The following CDC25B variants were observed in gnomAD, a reference collection of about 807,000 sequenced individuals.
The protein encoded by CDC25B is cell division cycle 25B.
In CDC25B, 33 loss-of-function variants were observed where a neutral mutation model predicts 69.8. The observed-to-expected ratio is 0.47, with a 90% CI of 0.36 to 0.63. The LOEUF is 0.63. CDC25B is among the 30% of genes least tolerant of loss of function. The pLI, the probability that CDC25B is intolerant of heterozygous loss-of-function variation, is 0.00. For synonymous variants in CDC25B, 341 were observed against 314.6 expected, an observed-to-expected ratio of 1.08 and a Z score of -0.89; for missense variants, 727 against 809.1, an observed-to-expected ratio of 0.90 and a Z score of 1.23.
upstream of CDC25B, chr20:3,795,915 GC>G: frequency 1.0e-6 from 1 of 986,694 alleles, no homozygotes; most frequent in Non-Finnish European, 1.2e-6. Flanking sequence ...AGACCGTACA[GC>G]CCAGCTGGGT....
rs931316570 is a variant in CDC25B, at chr20:3,803,326, G to C, written c.1357-78G>C. On this transcript the variant is annotated intron_variant, in intron 13 of 15. Transcript: ENST00000245960. The surrounding 1 kb of genome is among the most constrained non-coding windows in gnomAD (Gnocchi z 4.9). ...CTCTCATGGGGAGGGTTCCTACTAAGAGAAGGACAGCGACTGCACGGGGAG... is the reference window on the plus strand; with the variant it reads ...CTCTCATGGGGAGGGTTCCTACTAACAGAAGGACAGCGACTGCACGGGGAG... 1 of 1,599,584 alleles carries C rather than the reference G, an allele frequency of 6.3e-7. No individual in the cohort carries two copies. The highest frequency in any genetic ancestry group is 8.6e-7 in the Non-Finnish European group (1 of 1,168,806).
At chr20:3,788,979 T>C (rs1487516026) in intron 1 of CDC25B, among the ~76,000 whole-genome samples, 2 of 152,100 alleles carry the variant, frequency 1.3e-5, no homozygotes, top group Non-Finnish European at 2.9e-5. Context: ...GCCACGCCCA[T>C]CATATGCTGA....
rs1188236004 is a variant in CDC25B at position 3,805,001 on chromosome 20, G to A, written c.*40G>A. 1 of 1,595,502 alleles carries A rather than the reference G, an allele frequency of 6.3e-7. No homozygotes were observed. The highest frequency in any genetic ancestry group is 8.5e-7 in the Non-Finnish European group (1 of 1,174,098). On this transcript the variant is annotated 3_prime_UTR_variant, in exon 16 of 16. Coordinates refer to ENST00000245960, the MANE Select transcript of CDC25B (RefSeq NM_021873.4). Reference sequence around the variant, plus strand: ...TCCTGCTACCTCCCTTGCCTTTCGAGGCCTGAAGCCAGCTGCCCTATGGGC... The same window carrying A: ...TCCTGCTACCTCCCTTGCCTTTCGAAGCCTGAAGCCAGCTGCCCTATGGGC...
chr20:3,805,404 C>T lies in CDC25B; in HGVS notation c.*443C>T, dbSNP rs770908224. 1.5e-4 allele frequency: 36 copies of T among 235,958 alleles called. No individual in the cohort carries two copies. Among genetic ancestry groups the T allele is most frequent in the Middle Eastern group, 1.4e-3 (1 of 698 alleles). 14.6% of individuals were successfully genotyped at this position (235,958 alleles called of 1,614,324 possible). On this transcript the variant is annotated 3_prime_UTR_variant, in exon 16 of 16. Coordinates refer to ENST00000245960, the MANE Select transcript of CDC25B (RefSeq NM_021873.4). ...TCAGCTCTCTGCCCTGTGTACTTCC[C>T]GGGCCAGGGCTGCCCCTAATCTCTG... is the stretch of plus-strand genomic sequence containing the variant.
upstream of CDC25B, among the ~76,000 whole-genome samples, chr20:3,795,109 C>G (rs544122021): frequency 1.3e-5 from 2 of 152,220 alleles, no homozygotes; most frequent in South Asian, 2.1e-4. Flanking sequence ...TGCGTGTAAT[C>G]CCAGCACTTT....
chr20:3,797,313 G>A (rs1167204165), intron 1 of CDC25B, among the ~76,000 whole-genome samples: 4 of 152,204 alleles, frequency 2.6e-5, no homozygotes, highest in Admixed American at 2.6e-4. Context: ...GGCTCTCTGG[G>A]GCGGCTCTGC....
chr20:3,792,875 C>G (rs949495524), upstream of CDC25B, among the ~76,000 whole-genome samples: 2 of 152,160 alleles, frequency 1.3e-5, no homozygotes, highest in African/African-American at 4.8e-5. Flanking sequence ...AATTACTAGC[C>G]TCAGGCAATT....
chr20:3,793,588 ATT>A (rs1568499832), upstream of CDC25B, among the ~76,000 whole-genome samples: 2,746 of 125,064 alleles, frequency 0.022, 92 homozygotes, highest in African/African-American at 0.08. Flanking sequence ...ATTTTATTTT[ATT>A]TTATTTTTTT....
chr20:3,797,497 A>AT, intron 1 of CDC25B, 125 bp from the exon 2 acceptor site: 1 of 1,289,144 alleles, frequency 7.8e-7, no homozygotes, highest in Non-Finnish European at 1.1e-6. Flanking sequence ...CCTCAGGGCC[A>AT]TTGCTTTCCC....
chr20:3,787,263 T>A, intron 1 of CDC25B: 1 of 483,118 alleles, frequency 2.1e-6, no homozygotes, highest in Non-Finnish European at 3.7e-6. Context: ...CTCCTGCTGT[T>A]TTACCTGGCA....
chr20:3,795,218 G>A (rs2088995087), upstream of CDC25B, among the ~76,000 whole-genome samples: 1 of 152,040 alleles, frequency 6.6e-6, no homozygotes, highest in African/African-American at 2.4e-5. Flanking sequence ...AACATTAGCT[G>A]GGCGTGGTGG....
In CDC25B at chr20:3,804,677, C is replaced by T; in HGVS notation, c.1599C>T (p.His533=). The T allele has an allele frequency of 1.2e-6, 2 of 1,612,030 alleles. No individual in the cohort carries two copies. Among genetic ancestry groups the T allele is most frequent in the Non-Finnish European group, 1.7e-6 (2 of 1,178,182 alleles). Residue 533 remains histidine (H), a synonymous_variant, in exon 15 of 16, where the codon CAC becomes CAT. Coordinates refer to ENST00000245960, the MANE Select transcript of CDC25B (RefSeq NM_021873.4). Reference sequence around the variant, plus strand: ...GCTACAAGGAGTTCTTCCCTCAGCACCCGGTAGCGTGGGTGGGGAAGGCCA... The same window carrying T: ...GCTACAAGGAGTTCTTCCCTCAGCATCCGGTAGCGTGGGTGGGGAAGGCCA... ...KGGYKEFFPQ[H]PNFCEPQDYR... is the part of the protein sequence containing the mutation.
Position 3,796,640 on chromosome 20 carries a change from C to A in CDC25B, c.109C>A (p.His37Asn). The A allele has an allele frequency of 6.8e-7, 1 of 1,473,696 alleles. No individual in the cohort carries two copies. Among genetic ancestry groups the A allele is most frequent in the African/African-American group, 1.5e-5 (1 of 68,854 alleles). 91.3% of individuals were successfully genotyped at this position (1,473,696 alleles called of 1,614,324 possible). A position where few individuals can be genotyped will look rare whatever the true frequency, so the allele number is the denominator to read the frequency against. Residue 37 changes from histidine (H) to asparagine (N), a missense_variant, in exon 1 of 16, where the codon CAT becomes AAT. Physicochemically the swap from His to Asn is moderately conservative, Grantham distance 68. Coordinates refer to ENST00000245960, the MANE Select transcript of CDC25B (RefSeq NM_021873.4). ...GHLPGLLLGS[H>N]GLLGSPVRAA... ...CCTCCCGGGCCTCCTGCTGGGATCTCATGGCCTCCTGGGGTCCCCGGTGCG... is the reference window on the plus strand; with the variant it reads ...CCTCCCGGGCCTCCTGCTGGGATCTAATGGCCTCCTGGGGTCCCCGGTGCG...
intron 1 of CDC25B, among the ~76,000 whole-genome samples, chr20:3,790,666 G>A (rs1036713254): frequency 6.6e-6 from 1 of 152,024 alleles, no homozygotes; most frequent in Non-Finnish European, 1.5e-5. Context: ...TGCCTCGTAG[G>A]TTCAGTCATT....
At chr20:3,796,983 T>G (rs1196944695) in intron 1 of CDC25B, among the ~76,000 whole-genome samples, 1 of 152,090 alleles carries the variant, frequency 6.6e-6, no homozygotes, top group East Asian at 1.9e-4. Flanking sequence ...TTCTTTCCCC[T>G]CACTCCCTCC....
At position 3,796,505 on chromosome 20, in the gene CDC25B, A is replaced by G. The variant is rs2089056246; in HGVS notation, c.-27A>G. On this transcript the variant is annotated 5_prime_UTR_variant, in exon 1 of 16. Transcript: ENST00000245960. The stretch of plus-strand genomic sequence containing the variant: ...TTGGCTGCCCTGCGCCCGGCCCTCC[A>G]GCCAGCCTTCTGCCGGCCCCGCCGC... 2 of 1,445,482 alleles carry G rather than the reference A, an allele frequency of 1.4e-6. No individual in the cohort carries two copies. Among genetic ancestry groups the G allele is most frequent in the African/African-American group, 1.6e-5 (1 of 64,092 alleles). The allele number at this position is 1,445,482 out of a possible 1,614,324, so 89.5% of individuals were successfully genotyped here.
intron 2 of CDC25B, among the ~76,000 whole-genome samples, chr20:3,798,005 C>T (rs2089127469): frequency 6.6e-6 from 1 of 152,218 alleles, no homozygotes; most frequent in Admixed American, 6.5e-5. Context: ...CTATGTAAAA[C>T]CACGCTCCAG....
chr20:3,800,166 C>T (rs1600396025), intron 3 of CDC25B, 122 bp from the exon 4 acceptor site: 1 of 797,016 alleles, frequency 1.3e-6, no homozygotes, highest in Non-Finnish European at 2.0e-6. Context: ...CCACCCCTTC[C>T]ACTGCCTTGA....
intron 2 of CDC25B, 143 bp from the exon 3 acceptor site, chr20:3,798,269 G>C: frequency 2.0e-6 from 1 of 498,448 alleles, no homozygotes; most frequent in East Asian, 3.3e-5. Flanking sequence ...TCCATGGTTG[G>C]GTTTTTGTTT....
Sources: allele counts gnomAD v4.1 joint callset (sites outside exome capture counted in the v4.1 genomes callset), GRCh38; gene constraint gnomAD v4.1.1; non-coding constraint Gnocchi (gnomAD v3.1); transcripts MANE v1.5; gene names NCBI Gene and HGNC (gene_info 2026-07-23, HGNC 2026-07-21).